Variants in KCNN2 observed in about 807,000 individuals in gnomAD.
KCNN2 encodes the protein potassium calcium-activated channel subfamily N member 2.
In KCNN2, 24 loss-of-function variants were observed where a neutral mutation model predicts 55.5. The observed-to-expected ratio is 0.43, with a 90% CI of 0.31 to 0.61. The LOEUF (loss-of-function observed/expected upper bound fraction) is 0.61. Among genes scored for constraint, KCNN2 ranks in the 20% least tolerant of loss-of-function variants. KCNN2 has a pLI of 0.08. For synonymous variants in KCNN2, 431 were observed against 336.1 expected, an observed-to-expected ratio of 1.28 and a Z score of -3.09; for missense variants, 754 against 853.6, an observed-to-expected ratio of 0.88 and a Z score of 1.45.
intron 3 of KCNN2, among the ~76,000 whole-genome samples, chr5:114,432,656 C>G (rs1759835115): frequency 6.6e-6 from 1 of 152,176 alleles, no homozygotes; most frequent in South Asian, 2.1e-4. Flanking sequence ...AGAGCCGGCT[C>G]CCTCAGCTTG....
intron 1 of KCNN2, among the ~76,000 whole-genome samples, chr5:114,136,278 T>G (rs565566878): frequency 1.3e-5 from 2 of 152,182 alleles, no homozygotes; most frequent in East Asian, 3.9e-4. Flanking sequence ...TGAGAGTGGG[T>G]GGTTAGAACT....
intron 2 of KCNN2, among the ~76,000 whole-genome samples, chr5:114,301,416 C>T (rs974979440): frequency 4.6e-5 from 7 of 152,080 alleles, no homozygotes; most frequent in Admixed American, 3.3e-4. Context: ...GCATGCCTCC[C>T]GAGCGCATGT....
intron 1 of KCNN2, among the ~76,000 whole-genome samples, chr5:114,148,281 G>A (rs1752445719): frequency 6.6e-6 from 1 of 152,134 alleles, no homozygotes; most frequent in Non-Finnish European, 1.5e-5. Context: ...CACCCTGATA[G>A]GTTTAATAAC....
chr5:114,304,636 T>A (rs1221637618), intron 2 of KCNN2, among the ~76,000 whole-genome samples: 1 of 152,154 alleles, frequency 6.6e-6, no homozygotes, highest in African/African-American at 2.4e-5. Flanking sequence ...GTGCTGCAAT[T>A]CTCTTCTGGG....
intron 3 of KCNN2, among the ~76,000 whole-genome samples, chr5:114,447,860 A>G (rs1234052331): frequency 6.6e-6 from 1 of 152,260 alleles, no homozygotes; most frequent in Non-Finnish European, 1.5e-5. Flanking sequence ...ACCTTCAACC[A>G]GGAAGCATTT....
rs144431099 is a variant in KCNN2, at chr5:114,076,555, G to C, written c.-271+20055G>C. The stretch of plus-strand genomic sequence containing the variant: ...GCCAAATCCCATGACATGAGTGTCA[G>C]ATCTGGGATCAGAACAGAATCTCCT... On this transcript the variant is annotated intron_variant, in intron 1 of 10. Coordinates refer to the KCNN2 transcript ENST00000512097. Among the ~76,000 whole-genome samples the C allele has an allele frequency of 2.0e-3, 306 of 152,328 alleles. 1 individual carries two copies. Among genetic ancestry groups the C allele is most frequent in the African/African-American group, 6.3e-3 (262 of 41,562 alleles).
At chr5:114,478,306 T>TGCTTTGTTCAA (rs1762062218) in intron 5 of KCNN2, among the ~76,000 whole-genome samples, 1 of 152,144 alleles carries the variant, frequency 6.6e-6, no homozygotes, top group Non-Finnish European at 1.5e-5. Context: ...ATGTTGTCAT[T>TGCTTTGTTCAA]ACCTATATGC....
intron 3 of KCNN2, among the ~76,000 whole-genome samples, chr5:114,426,837 T>A (rs1036925203): frequency 6.6e-6 from 1 of 152,208 alleles, no homozygotes; most frequent in African/African-American, 2.4e-5. Flanking sequence ...CCCTTTGCGA[T>A]TGTAGTTTTA....
intron 2 of KCNN2, among the ~76,000 whole-genome samples, chr5:114,392,669 C>T (rs193043734): frequency 7.9e-4 from 121 of 152,224 alleles, no homozygotes; most frequent in African/African-American, 2.5e-3. Flanking sequence ...GAAAAGTCAT[C>T]TCTCCCTTTC....
chr5:114,281,138 T>C (rs988070474), intron 2 of KCNN2, among the ~76,000 whole-genome samples: 14 of 152,196 alleles, frequency 9.2e-5, no homozygotes, highest in African/African-American at 3.4e-4. Context: ...ACTCAGGTTT[T>C]GCCTTCCTAA....
At chr5:114,444,614 C>CCTTG (rs1760333477) in intron 3 of KCNN2, among the ~76,000 whole-genome samples, 1 of 152,004 alleles carries the variant, frequency 6.6e-6, no homozygotes, top group East Asian at 1.9e-4. Flanking sequence ...AGGGATGAGA[C>CCTTG]ATAGGTAAAG....
intron 1 of KCNN2, among the ~76,000 whole-genome samples, chr5:114,204,220 C>T (rs1004959114): frequency 1.1e-4 from 17 of 151,998 alleles, no homozygotes; most frequent in South Asian, 4.2e-4. Context: ...TTAAAATATG[C>T]ATGTCACCTT....
intron 1 of KCNN2, among the ~76,000 whole-genome samples, chr5:114,152,235 G>C (rs1235943143): frequency 6.6e-6 from 1 of 152,072 alleles, no homozygotes; most frequent in Non-Finnish European, 1.5e-5. Flanking sequence ...AAAAAGTCAT[G>C]TTTTGGGATT....
intron 2 of KCNN2, among the ~76,000 whole-genome samples, chr5:114,293,860 C>G (rs1755949557): frequency 6.6e-6 from 1 of 152,162 alleles, no homozygotes; most frequent in African/African-American, 2.4e-5. Context: ...ATTATTGCCA[C>G]AATTTCAGAG....
At chr5:114,211,145 AGT>A (rs1753873775) in intron 1 of KCNN2, among the ~76,000 whole-genome samples, 1 of 152,194 alleles carries the variant, frequency 6.6e-6, no homozygotes, top group Non-Finnish European at 1.5e-5. Context: ...TGTGGAAAGT[AGT>A]GTGGCGATTT....
Position 114,261,053 on chromosome 5 carries a change from C to T in KCNN2, c.-185+39488C>T, listed in dbSNP as rs114432358. Among the ~76,000 whole-genome samples the T allele has an allele frequency of 1.5e-3, 227 of 152,288 alleles. 1 individual carries two copies. The highest frequency in any genetic ancestry group is 5.3e-3 in the African/African-American group (219 of 41,574). The stretch of plus-strand genomic sequence containing the variant: ...ATTATTTGTGATTTATTTTTAAACA[C>T]TTCCATATAAACATGTGATAAATAT... On this transcript the variant is annotated intron_variant, in intron 2 of 10. Coordinates refer to the KCNN2 transcript ENST00000512097.
chr5:114,347,839 A>G (rs998833138), intron 2 of KCNN2, among the ~76,000 whole-genome samples: 4 of 152,154 alleles, frequency 2.6e-5, no homozygotes, highest in African/African-American at 9.7e-5. Context: ...CCTCACCTCT[A>G]AGTGACCCTA....
chr5:114,472,531 C>T (rs1761792853), intron 4 of KCNN2, among the ~76,000 whole-genome samples: 1 of 125,650 alleles, frequency 8.0e-6, no homozygotes, highest in Non-Finnish European at 1.7e-5. Context: ...GTTACGCTTC[C>T]TCTTGTGTGT....
intron 2 of KCNN2, among the ~76,000 whole-genome samples, chr5:114,269,083 A>G (rs1190664476): frequency 1.3e-5 from 2 of 151,912 alleles, no homozygotes; most frequent in Non-Finnish European, 2.9e-5. Context: ...ATACCACTTC[A>G]CACACAGGGC....
Sources: allele counts gnomAD v4.1 joint callset (sites outside exome capture counted in the v4.1 genomes callset), GRCh38; gene constraint gnomAD v4.1.1; transcripts MANE v1.5; gene names NCBI Gene and HGNC (gene_info 2026-07-23, HGNC 2026-07-21).